Variants in RP1 observed in about 807,000 individuals in gnomAD.
RP1 encodes oxygen-regulated protein 1.
Under a neutral mutation model 14.8 loss-of-function variants are expected in RP1, and 16 were observed. The ratio of observed to expected loss-of-function variants is 1.08; its 90% CI spans 0.73 to 1.65. The LOEUF (loss-of-function observed/expected upper bound fraction) is 1.65, where lower values mean the gene tolerates loss of function less well. RP1 is among the 40% of genes most tolerant of loss of function. The probability of loss-of-function intolerance (pLI) is 0.00; values close to 1 mark genes in which losing one functional copy is unlikely to be tolerated. For missense variants in RP1, 2,631 were observed against 2,535.0 expected (o/e 1.04, Z -0.81); for synonymous variants, 876 against 883.6 (o/e 0.99, Z 0.15).
intron 1 of RP1, among the ~76,000 whole-genome samples, chr8:54,600,005 C>A (rs970207997): frequency 5.3e-5 from 8 of 152,054 alleles, no homozygotes; most frequent in Non-Finnish European, 1.2e-4. Flanking sequence ...AGGGGTACAC[C>A]TTATTACTAC....
rs189743537 is a variant in RP1 at position 54,724,478 on chromosome 8, T to C, written c.2390-1867T>C. Among the ~76,000 whole-genome samples the C allele has an allele frequency of 3.8e-3, 579 of 152,328 alleles. 2 individuals are homozygous for C. The highest frequency in any genetic ancestry group is 6.6e-3 in the Non-Finnish European group (451 of 68,020). On this transcript the variant is annotated intron_variant, in intron 16 of 22. Coordinates refer to the RP1 transcript ENST00000636932. ...CTAATCATCCAAATCCAGCTGTATA[T>C]GTAACATACACCTTTTGATAACATC...
intron 3 of RP1, among the ~76,000 whole-genome samples, chr8:54,638,310 C>T (rs956365769): frequency 9.2e-5 from 14 of 151,946 alleles, no homozygotes; most frequent in African/African-American, 2.2e-4. Context: ...TGGTGTTGTG[C>T]ACCTGTAATC....
At chr8:54,669,583 T>G (rs2129331651) in intron 7 of RP1, among the ~76,000 whole-genome samples, 1 of 152,340 alleles carries the variant, frequency 6.6e-6, no homozygotes, top group East Asian at 1.9e-4. Flanking sequence ...CACACGTATG[T>G]TTATTGTGTC....
intron 24 of RP1, among the ~76,000 whole-genome samples, chr8:54,811,476 C>T (rs1810992868): frequency 6.6e-6 from 1 of 152,206 alleles, no homozygotes; most frequent in Non-Finnish European, 1.5e-5. Flanking sequence ...GCACAGCCCC[C>T]TCTTGCAGTA....
intron 18 of RP1, chr8:54,738,892 G>A: frequency 8.1e-7 from 1 of 1,227,702 alleles, no homozygotes; most frequent in Non-Finnish European, 1.1e-6. Flanking sequence ...TTTTTAATGT[G>A]CTTAATTTAA....
intron 26 of RP1, among the ~76,000 whole-genome samples, chr8:54,854,541 A>C (rs1812141322): frequency 6.6e-6 from 1 of 152,202 alleles, no homozygotes; most frequent in Admixed American, 6.5e-5. Context: ...AAATCCTCAT[A>C]ATCTAGGGGG....
chr8:54,621,699 G>A, intron 2 of RP1, 118 bp downstream of exon 2: 1 of 1,432,278 alleles, frequency 7.0e-7, no homozygotes, highest in Admixed American at 1.7e-5. Context: ...CCCTGCCTGT[G>A]TATGTGAGTG....
intron 14 of RP1, among the ~76,000 whole-genome samples, chr8:54,702,201 T>C (rs1354624690): frequency 6.6e-6 from 1 of 152,162 alleles, no homozygotes; most frequent in Admixed American, 6.6e-5. Flanking sequence ...ACAAATGCTA[T>C]CTGTATTTGA....
intron 1 of RP1, among the ~76,000 whole-genome samples, chr8:54,587,529 C>T (rs1329438072): frequency 6.6e-6 from 1 of 152,040 alleles, no homozygotes; most frequent in Non-Finnish European, 1.5e-5. Context: ...AGGTGAAAAT[C>T]CTCCCTCTAA....
chr8:54,634,899 T>C (rs1292800384), downstream of RP1, among the ~76,000 whole-genome samples: 2 of 151,978 alleles, frequency 1.3e-5, no homozygotes, highest in African/African-American at 4.8e-5. Context: ...GGCGAACACG[T>C]TGAAACTCCA....
intron 2 of RP1, 41 bp downstream of exon 2, chr8:54,621,622 A>G: frequency 6.2e-7 from 1 of 1,613,126 alleles, no homozygotes; most frequent in Admixed American, 1.7e-5. Context: ...GCTCATTTTG[A>G]GCACCCTACT....
chr8:54,680,912 A>G (rs1365775460), intron 12 of RP1, among the ~76,000 whole-genome samples: 4 of 151,686 alleles, frequency 2.6e-5, no homozygotes, highest in Non-Finnish European at 5.9e-5. Context: ...GAGCCGAGAT[A>G]GAGCCACTGC....
chr8:54,615,548 T>TA (rs1465952001), upstream of RP1, among the ~76,000 whole-genome samples: 1 of 152,188 alleles, frequency 6.6e-6, no homozygotes, highest in Non-Finnish European at 1.5e-5. Context: ...GCGTGCTGGG[T>TA]ATGCAGAAGC....
intron 1 of RP1, among the ~76,000 whole-genome samples, chr8:54,571,096 C>T (rs1804510531): frequency 6.6e-6 from 1 of 152,180 alleles, no homozygotes; most frequent in Non-Finnish European, 1.5e-5. Flanking sequence ...AGCCCCTTCC[C>T]TTAGAGAAAG....
At chr8:54,563,689 T>G (rs716855) in intron 1 of RP1, among the ~76,000 whole-genome samples, 123,163 of 151,774 alleles carry the variant, frequency 0.81, 50,707 homozygotes, top group Non-Finnish European at 0.89. Context: ...GGGATTACAG[T>G]TGTACCCCAC....
At chr8:54,828,714 T>C (rs1474979104) in intron 24 of RP1, among the ~76,000 whole-genome samples, 1 of 152,134 alleles carries the variant, frequency 6.6e-6, no homozygotes, top group Non-Finnish European at 1.5e-5. Context: ...GCTATACTTT[T>C]ATATGACTTG....
In RP1 at chr8:54,830,256, A is replaced by T. The variant is rs570678198; in HGVS notation, c.3616-7194A>T. 2.0e-5 allele frequency among the ~76,000 whole-genome samples: 3 copies of T among 149,014 alleles called. No individual in the cohort carries two copies. The East Asian group carries it at 5.9e-4, about 29-fold the overall frequency. On this transcript the variant is annotated intron_variant, in intron 24 of 28. Coordinates refer to the RP1 transcript ENST00000637698. ...ATTATTATATCTACTTGCTGAATTG[A>T]CTCTTGTCATAAAATGACCTTCTGT...
chr8:54,710,806 G>A (rs1217202827), intron 15 of RP1, among the ~76,000 whole-genome samples: 1 of 152,180 alleles, frequency 6.6e-6, no homozygotes, highest in Non-Finnish European at 1.5e-5. Flanking sequence ...GACTGAGTCT[G>A]GGTCTTTATA....
intron 25 of RP1, among the ~76,000 whole-genome samples, chr8:54,837,993 A>G (rs1279539627): frequency 6.6e-6 from 1 of 152,234 alleles, no homozygotes; most frequent in Non-Finnish European, 1.5e-5. Flanking sequence ...AATCAAAAGC[A>G]TTCTAGCTCC....
Sources: gnomAD v4.1 joint callset for allele counts (sites outside exome capture counted in the v4.1 genomes callset) on GRCh38, gnomAD v4.1.1 for gene constraint, MANE v1.5 for transcripts, NCBI Gene and HGNC (gene_info 2026-07-23, HGNC 2026-07-21) for gene names.